Variants in PARD3B observed in about 807,000 individuals in gnomAD.
PARD3B encodes the protein partitioning defective 3 homolog B.
Under a neutral mutation model 130.2 loss-of-function variants are expected in PARD3B, and 103 were observed. That is an observed-to-expected ratio of 0.79 (90% CI 0.67 to 0.93). The LOEUF (loss-of-function observed/expected upper bound fraction) is 0.93, where lower values mean the gene tolerates loss of function less well. Ranked by LOEUF, PARD3B falls within the 40% of genes least tolerant of loss-of-function variation. The pLI, the probability that PARD3B is intolerant of heterozygous loss-of-function variation, is 0.00. For missense variants in PARD3B, 1,609 were observed against 1,499.2 expected (o/e 1.07, Z -1.21); for synonymous variants, 583 against 553.2 (o/e 1.05, Z -0.76).
chr2:204,744,323 G>A (rs2040130809), intron 2 of PARD3B, among the ~76,000 whole-genome samples: 1 of 152,112 alleles, frequency 6.6e-6, no homozygotes, highest in Non-Finnish European at 1.5e-5. Context: ...CCCATGGCAA[G>A]GTCAGATCTA....
intron 15 of PARD3B, among the ~76,000 whole-genome samples, chr2:205,243,285 G>C (rs968422492): frequency 6.6e-6 from 1 of 152,106 alleles, no homozygotes; most frequent in Non-Finnish European, 1.5e-5. Context: ...TAATGATGAT[G>C]ACAGTAGTTC....
At position 205,292,561 on chromosome 2, in the gene PARD3B, G is replaced by C. The variant is rs950121218; in HGVS notation, c.2186-7969G>C. 6.6e-6 allele frequency among the ~76,000 whole-genome samples: 1 copy of C among 152,112 alleles called. No individual in the cohort carries two copies. The highest frequency in any genetic ancestry group is 1.5e-5 in the Non-Finnish European group (1 of 68,024). On this transcript the variant is annotated intron_variant, in intron 16 of 22. Transcript: ENST00000406610. The surrounding 1 kb of genome is among the most constrained non-coding windows in gnomAD (Gnocchi z 5.3). ...GCTCAGCATGAGAGAGGCAAGCAAA[G>C]ACCCGCAGAGAACAACTCATTTCTC...
chr2:204,582,562 C>T (rs925207739), intron 1 of PARD3B, among the ~76,000 whole-genome samples: 1 of 152,112 alleles, frequency 6.6e-6, no homozygotes, highest in African/African-American at 2.4e-5. Flanking sequence ...GTTTCTCTTC[C>T]ACAGCACGGG....
chr2:204,817,654 T>C (rs892992783), intron 2 of PARD3B, among the ~76,000 whole-genome samples: 6 of 152,162 alleles, frequency 3.9e-5, no homozygotes, highest in African/African-American at 1.4e-4. Context: ...GTTATTTCTT[T>C]GTGCAGCCCT....
chr2:204,955,095 T>C (rs1363001480), intron 2 of PARD3B, among the ~76,000 whole-genome samples: 1 of 152,240 alleles, frequency 6.6e-6, no homozygotes, highest in Non-Finnish European at 1.5e-5. Flanking sequence ...TTTGATTGCT[T>C]ACTCATTAAT....
intron 1 of PARD3B, among the ~76,000 whole-genome samples, chr2:204,555,728 T>C (rs923119566): frequency 3.3e-5 from 5 of 152,178 alleles, no homozygotes; most frequent in Non-Finnish European, 7.3e-5. Context: ...CACTGATCGC[T>C]TGTCATGTTA....
chr2:205,376,699 A>G (rs1251437691), intron 18 of PARD3B, among the ~76,000 whole-genome samples: 3 of 152,144 alleles, frequency 2.0e-5, no homozygotes, highest in African/African-American at 2.4e-5. Context: ...GCCATGGGAG[A>G]TGTAAACGAA....
intron 2 of PARD3B, among the ~76,000 whole-genome samples, chr2:204,934,495 A>T (rs1415262109): frequency 6.6e-6 from 1 of 152,210 alleles, no homozygotes; most frequent in Non-Finnish European, 1.5e-5. Flanking sequence ...AACATGATCA[A>T]TTCATTGATT....
Position 205,238,861 on chromosome 2 carries a change from T to A in PARD3B, c.2141-6917T>A, listed in dbSNP as rs1379882860. On this transcript the variant is annotated intron_variant, in intron 15 of 22. Coordinates refer to ENST00000406610, the MANE Select transcript of PARD3B (RefSeq NM_001302769.2). Reference sequence around the variant, plus strand: ...AAAAAAAAAAAAAAATATATATATATATATATATATATATATGTATGTGTG... The same window carrying A: ...AAAAAAAAAAAAAAATATATATATAAATATATATATATATATGTATGTGTG... Among the ~76,000 whole-genome samples the A allele has an allele frequency of 2.2e-3, 212 of 95,706 alleles. 4 individuals are homozygous for A. The highest frequency in any genetic ancestry group is 7.9e-3 in the African/African-American group (187 of 23,626). 62.8% of individuals were successfully genotyped at this position (95,706 alleles called of 152,430 possible). A position where few individuals can be genotyped will look rare whatever the true frequency, so the allele number is the denominator to read the frequency against.
chr2:204,892,187 A>G (rs2046473691), intron 2 of PARD3B, among the ~76,000 whole-genome samples: 1 of 152,120 alleles, frequency 6.6e-6, no homozygotes, highest in African/African-American at 2.4e-5. Flanking sequence ...AGGTGGGGAG[A>G]GAGCAATGAG....
At chr2:205,246,887 A>G (rs1273585964) in intron 16 of PARD3B, among the ~76,000 whole-genome samples, 2 of 152,130 alleles carry the variant, frequency 1.3e-5, no homozygotes, top group Non-Finnish European at 2.9e-5. Flanking sequence ...ACTGTGAAAG[A>G]GATTTCTATG....
Position 205,346,348 on chromosome 2 carries a change from G to A in PARD3B, c.2630+44647G>A, listed in dbSNP as rs189148796. 1.7e-3 allele frequency among the ~76,000 whole-genome samples: 266 copies of A among 152,078 alleles called. 1 individual carries two copies. Among genetic ancestry groups the A allele is most frequent in the African/African-American group, 6.0e-3 (249 of 41,536 alleles). ...AGCACCTGACCTCCAGCTTGTCATAGTCTCTACCTTGCCTCCTTGCCTCCC... is the reference window on the plus strand; with the variant it reads ...AGCACCTGACCTCCAGCTTGTCATAATCTCTACCTTGCCTCCTTGCCTCCC... On this transcript the variant is annotated intron_variant, in intron 18 of 22. Coordinates refer to ENST00000406610, the MANE Select transcript of PARD3B (RefSeq NM_001302769.2).
chr2:204,570,078 T>C (rs569170595), intron 1 of PARD3B, among the ~76,000 whole-genome samples: 1 of 152,274 alleles, frequency 6.6e-6, no homozygotes, highest in South Asian at 2.1e-4. Context: ...TCATTACTGT[T>C]GGAGTCAAGA....
At position 205,124,318 on chromosome 2, in the gene PARD3B, A is replaced by T. The variant is rs770058378; in HGVS notation, c.1166-9A>T. 2.6e-5 allele frequency: 39 copies of T among 1,526,798 alleles called. No homozygotes were observed. Among genetic ancestry groups the T allele is most frequent in the Middle Eastern group, 3.5e-4 (2 of 5,762 alleles). 94.6% of individuals were successfully genotyped at this position (1,526,798 alleles called of 1,614,324 possible). A position where few individuals can be genotyped will look rare whatever the true frequency, so the allele number is the denominator to read the frequency against. On this transcript the variant is annotated splice_polypyrimidine_tract_variant and intron_variant, in intron 8 of 22. Coordinates refer to ENST00000406610, the MANE Select transcript of PARD3B (RefSeq NM_001302769.2). ...GATGACTATACATTTTCCTGTTCTT[A>T]TACACTAGGCCCTGAAGGACTTGGT...
intron 1 of PARD3B, among the ~76,000 whole-genome samples, chr2:204,621,335 T>C (rs1239967966): frequency 1.3e-5 from 2 of 152,160 alleles, no homozygotes; most frequent in Non-Finnish European, 2.9e-5. Flanking sequence ...CTGTGAGTAG[T>C]TTATTGTTTC....
rs372905798 is a variant in PARD3B at position 204,677,818 on chromosome 2, T to A, written c.121-8363T>A. On this transcript the variant is annotated intron_variant, in intron 1 of 22. Coordinates refer to ENST00000406610, the MANE Select transcript of PARD3B (RefSeq NM_001302769.2). The surrounding 1 kb of genome is among the most constrained non-coding windows in gnomAD (Gnocchi z 4.1). ...TTAGCTACATGTTCTATTGGTAGGA[T>A]AACCTGGCCTTCCCATCTTCTGGGA... is the stretch of plus-strand genomic sequence containing the variant. Among the ~76,000 whole-genome samples, 5 of 152,216 alleles carry A rather than the reference T, an allele frequency of 3.3e-5. No homozygotes were observed. Among genetic ancestry groups the A allele is most frequent in the African/African-American group, 9.6e-5 (4 of 41,460 alleles).
intron 4 of PARD3B, among the ~76,000 whole-genome samples, chr2:205,072,451 AC>A (rs1700800661): frequency 6.6e-6 from 1 of 151,976 alleles, no homozygotes; most frequent in Non-Finnish European, 1.5e-5. Flanking sequence ...GGGTTTCACC[AC>A]GTTGGCCAGG....
At chr2:204,628,421 G>A (rs1022068405) in intron 1 of PARD3B, among the ~76,000 whole-genome samples, 2 of 152,224 alleles carry the variant, frequency 1.3e-5, no homozygotes, top group South Asian at 2.1e-4. Flanking sequence ...ACAGGTTGAT[G>A]TGTAAATGCA....
chr2:205,565,459 C>T (rs879802213), intron 22 of PARD3B, among the ~76,000 whole-genome samples: 5 of 152,114 alleles, frequency 3.3e-5, no homozygotes, highest in Non-Finnish European at 5.9e-5. Flanking sequence ...ATATATAAGA[C>T]AGTTTCTAGC....
Sources: gnomAD v4.1 joint callset for allele counts (sites outside exome capture counted in the v4.1 genomes callset) on GRCh38, gnomAD v4.1.1 for gene constraint, Gnocchi (gnomAD v3.1) non-coding constraint, MANE v1.5 for transcripts, NCBI Gene and HGNC (gene_info 2026-07-23, HGNC 2026-07-21) for gene names.